The following SMAD9 variants were observed in gnomAD, a reference collection of about 807,000 sequenced individuals.
SMAD9 encodes SMAD family member 9, also known as MAD homolog 9.
Under a neutral mutation model 46.1 loss-of-function variants are expected in SMAD9, and 36 were observed. The ratio of observed to expected loss-of-function variants is 0.78; its 90% confidence interval spans 0.60 to 1.03. The LOEUF (loss-of-function observed/expected upper bound fraction) is 1.03, where lower values mean the gene tolerates loss of function less well. Ranked by LOEUF, SMAD9 falls within the 50% of genes least tolerant of loss-of-function variation. SMAD9 has a pLI of 0.00. For missense variants in SMAD9, 572 were observed against 599.8 expected (o/e 0.95, Z 0.48); for synonymous variants, 245 against 237.1 (o/e 1.03, Z -0.31).
chr13:36,849,433 A>C (rs1384305208), intron 6 of SMAD9: 1 of 152,390 alleles, frequency 6.6e-6, no homozygotes, highest in African/African-American at 2.4e-5. Context: ...ATCACAGCCA[A>C]GTAAATCAGT....
chr13:36,890,593 G>A (rs2769551), intron 1 of SMAD9, among the ~76,000 whole-genome samples: 18 of 152,186 alleles, frequency 1.2e-4, no homozygotes, highest in African/African-American at 4.3e-4. Flanking sequence ...ATTTGGAAGA[G>A]ATATTTCTCT....
chr13:36,891,372 A>T (rs2058487839), intron 1 of SMAD9, among the ~76,000 whole-genome samples: 1 of 152,206 alleles, frequency 6.6e-6, no homozygotes, highest in Non-Finnish European at 1.5e-5. Context: ...TTGCCTAAGG[A>T]ATAAGAACTC....
At chr13:36,886,653 ACTGT>A (rs2058447420) in intron 1 of SMAD9, among the ~76,000 whole-genome samples, 1 of 152,268 alleles carries the variant, frequency 6.6e-6, no homozygotes, top group African/African-American at 2.4e-5. Context: ...GGGCTTAGAA[ACTGT>A]CTGGATATGA....
chr13:36,905,484 G>A (rs988939695), intron 1 of SMAD9, among the ~76,000 whole-genome samples: 8 of 151,908 alleles, frequency 5.3e-5, no homozygotes, highest in Non-Finnish European at 8.8e-5. Context: ...GGCCAGACAC[G>A]GTGGCTCACA....
intron 4 of SMAD9, among the ~76,000 whole-genome samples, chr13:36,866,760 AC>A (rs1406577181): frequency 6.6e-6 from 1 of 152,078 alleles, no homozygotes; most frequent in Non-Finnish European, 1.5e-5. Flanking sequence ...AGATTCTTGG[AC>A]CCCACCGTAA....
At chr13:36,870,511 C>T (rs2058280848) in intron 3 of SMAD9, among the ~76,000 whole-genome samples, 1 of 152,046 alleles carries the variant, frequency 6.6e-6, no homozygotes, top group Non-Finnish European at 1.5e-5. Context: ...ACCCCATATC[C>T]CTGTTTTAGT....
intron 1 of SMAD9, among the ~76,000 whole-genome samples, chr13:36,899,784 T>C (rs2058558873): frequency 6.6e-6 from 1 of 152,190 alleles, no homozygotes. Context: ...GATTGTGTAG[T>C]ATGTGAAAAG....
rs1020364789 is a variant in SMAD9 at position 36,847,501 on chromosome 13, A to G, written c.*1175T>C. The G allele has an allele frequency of 1.3e-5, 2 of 152,250 alleles. No homozygotes were observed. The highest frequency in any genetic ancestry group is 6.5e-5 in the Admixed American group (1 of 15,286). The allele number at this position is 152,250 out of a possible 1,614,324, so 9.4% of individuals were successfully genotyped here. On this transcript the variant is annotated 3_prime_UTR_variant, in exon 7 of 7. Coordinates refer to ENST00000379826, the MANE Select transcript of SMAD9 (RefSeq NM_001127217.3). ...TTATTATTCAGTACCACTGTTCCCC[A>G]GAAATTGCAGATGATTATGAAATTA...
intron 1 of SMAD9, among the ~76,000 whole-genome samples, chr13:36,912,087 T>C (rs892024035): frequency 3.3e-5 from 5 of 152,246 alleles, no homozygotes; most frequent in African/African-American, 1.2e-4. Context: ...CTAGGAGTTG[T>C]GGCCATTTAA....
chr13:36,869,362 C>T, intron 3 of SMAD9, among the ~76,000 whole-genome samples: 1 of 151,888 alleles, frequency 6.6e-6, no homozygotes, highest in East Asian at 1.9e-4. Context: ...AGCTGAATTA[C>T]AGACATGCAC....
chr13:36,908,251 C>T (rs1034781831), intron 1 of SMAD9, among the ~76,000 whole-genome samples: 1 of 152,140 alleles, frequency 6.6e-6, no homozygotes, highest in Admixed American at 6.5e-5. Context: ...ATGTTACATG[C>T]CATGAATCAG....
At chr13:36,871,334 A>G (rs1460723119) in intron 3 of SMAD9, among the ~76,000 whole-genome samples, 1 of 152,138 alleles carries the variant, frequency 6.6e-6, no homozygotes, top group Non-Finnish European at 1.5e-5. Flanking sequence ...CCTGGCCAAC[A>G]TGGTGAAACC....
intron 1 of SMAD9, among the ~76,000 whole-genome samples, chr13:36,893,610 TTAA>T (rs1290048548): frequency 1.3e-5 from 2 of 151,548 alleles, no homozygotes; most frequent in African/African-American, 2.4e-5. Flanking sequence ...TAAAAACATA[TTAA>T]TGATATCCAC....
Position 36,865,729 on chromosome 13 carries a change from G to A in SMAD9, c.811C>T (p.Gln271Ter), listed in dbSNP as rs2058227041. The A allele has an allele frequency of 3.7e-6, 6 of 1,614,098 alleles. No homozygotes were observed. Among genetic ancestry groups the A allele is most frequent in the Non-Finnish European group, 5.1e-6 (6 of 1,179,988 alleles). The change falls in exon 5 of 7, where the codon CAG becomes TAG. Residue 271 changes from glutamine (Q) to a stop codon, truncating the protein, a stop_gained. Coordinates refer to ENST00000379826, the MANE Select transcript of SMAD9 (RefSeq NM_001127217.3). LOFTEE classifies it high-confidence loss of function. Reference protein sequence around the residue: ...DFRPVCYEEPQHWCSVAYYEL... With the variant: ...DFRPVCYEEP ...TAGTAGGCGACCGAGCACCAGTGCT[G>A]GGGCTCCTCGTAACAAACTGGTCGA...
chr13:36,855,920 TCA>T (rs1433132906), intron 5 of SMAD9, among the ~76,000 whole-genome samples: 1 of 152,186 alleles, frequency 6.6e-6, no homozygotes, highest in Non-Finnish European at 1.5e-5. Context: ...CTCCTCTTCC[TCA>T]GTCAGAGACT....
intron 1 of SMAD9, among the ~76,000 whole-genome samples, chr13:36,908,917 G>C (rs1274313154): frequency 6.6e-6 from 1 of 152,028 alleles, no homozygotes; most frequent in African/African-American, 2.4e-5. Context: ...GAAGACTCTT[G>C]GTTTACCAGG....
rs1297728715 is a variant in SMAD9, at chr13:36,919,840, T to TCCACC, written c.-187+271_-187+275dup. 1.3e-3 allele frequency among the ~76,000 whole-genome samples: 16 copies of TCCACC among 12,042 alleles called. No homozygotes were observed. In the East Asian group the frequency reaches 0.043, roughly 32 times the overall value. 7.9% of individuals were successfully genotyped at this position (12,042 alleles called of 152,430 possible). On this transcript the variant is annotated intron_variant, in intron 1 of 6. Coordinates refer to ENST00000379826, the MANE Select transcript of SMAD9 (RefSeq NM_001127217.3). ...CCGCGCCCACCCCACCCCACCCCACTCCACCCCAGACAGGCTCCACCAAAA... is the reference window on the plus strand; with the variant it reads ...CCGCGCCCACCCCACCCCACCCCACTCCACCCCACCCCAGACAGGCTCCACCAAAA...
intron 1 of SMAD9, among the ~76,000 whole-genome samples, chr13:36,908,183 C>T (rs139640288): frequency 1.1e-4 from 16 of 152,332 alleles, no homozygotes; most frequent in African/African-American, 3.6e-4. Flanking sequence ...ATGGAACAAT[C>T]TCTAGAGAAA....
chr13:36,910,291 A>C (rs983946415), intron 1 of SMAD9, among the ~76,000 whole-genome samples: 2 of 152,152 alleles, frequency 1.3e-5, no homozygotes, highest in African/African-American at 4.8e-5. Flanking sequence ...AAATGTAGAG[A>C]TGGAACCATA....
Sources: allele counts gnomAD v4.1 joint callset (sites outside exome capture counted in the v4.1 genomes callset), GRCh38; gene constraint gnomAD v4.1.1; transcripts MANE v1.5; gene names NCBI Gene and HGNC (gene_info 2026-07-23, HGNC 2026-07-21).